Variants in GPHN observed in about 807,000 individuals in gnomAD.
The protein encoded by GPHN is gephyrin.
In GPHN, 17 loss-of-function variants were observed where a neutral mutation model predicts 95.5. The observed-to-expected ratio is 0.18, with a 90% confidence interval of 0.12 to 0.27. GPHN has a LOEUF of 0.27. Among genes scored for constraint, GPHN ranks in the 10% least tolerant of loss-of-function variants. The pLI is 1.00. For synonymous variants in GPHN, 320 were observed against 322.5 expected (o/e 0.99, Z 0.08); for missense variants, 660 against 978.1 (o/e 0.67, Z 4.34).
At chr14:67,107,872 C>G (rs2153683841) in intron 13 of GPHN, among the ~76,000 whole-genome samples, 1 of 152,220 alleles carries the variant, frequency 6.6e-6, no homozygotes, top group African/African-American at 2.4e-5. Context: ...AGTTATTTGG[C>G]CTGTAGGTCA....
the GPHN span, among the ~76,000 whole-genome samples, chr14:67,502,803 G>A: frequency 1.3e-5 from 2 of 152,194 alleles, no homozygotes; most frequent in African/African-American, 4.8e-5. Flanking sequence ...GTGACCACAG[G>A]GCTTATTTCC....
In GPHN at chr14:67,023,689, C is replaced by T; in HGVS notation, c.1006+14C>T. On this transcript the variant is annotated intron_variant, in intron 10 of 22. Transcript: ENST00000478722. The stretch of plus-strand genomic sequence containing the variant: ...TTCTCAGAGCCAGTAAGTATTTTAC[C>T]ATTTCTGGTGGGCTGCTGAACTAGA... 1.2e-6 allele frequency: 2 copies of T among 1,604,238 alleles called. No individual in the cohort carries two copies. Among genetic ancestry groups the T allele is most frequent in the East Asian group, 4.5e-5 (2 of 44,802 alleles).
At chr14:66,567,920 G>A (rs2060526042) in intron 1 of GPHN, among the ~76,000 whole-genome samples, 2 of 152,148 alleles carry the variant, frequency 1.3e-5, no homozygotes, top group African/African-American at 4.8e-5. Flanking sequence ...GCTCAAGTTA[G>A]TGTAGCTAAC....
At chr14:67,569,279 G>A in the GPHN span, 20 of 1,224,808 alleles carry the variant, frequency 1.6e-5, no homozygotes, top group African/African-American at 3.0e-5. Context: ...GGCAAGCGGG[G>A]AGGAGAAGAC....
chr14:67,547,848 A>C, the GPHN span, among the ~76,000 whole-genome samples: 1 of 152,230 alleles, frequency 6.6e-6, no homozygotes, highest in Non-Finnish European at 1.5e-5. Flanking sequence ...AGAAACATCA[A>C]GGCTCTTAGA....
At chr14:66,852,660 G>T (rs963020663) in intron 4 of GPHN, among the ~76,000 whole-genome samples, 1 of 152,164 alleles carries the variant, frequency 6.6e-6, no homozygotes, top group African/African-American at 2.4e-5. Context: ...TTTCAAAGAT[G>T]TATCGTTTTC....
intron 1 of GPHN, among the ~76,000 whole-genome samples, chr14:66,588,867 C>A (rs745655962): frequency 2.6e-4 from 40 of 152,194 alleles, no homozygotes; most frequent in Non-Finnish European, 4.3e-4. Context: ...CATTCAAATT[C>A]AGGGAATACA....
chr14:66,615,970 T>C (rs1018698210), intron 1 of GPHN, among the ~76,000 whole-genome samples: 9 of 152,092 alleles, frequency 5.9e-5, no homozygotes, highest in Non-Finnish European at 8.8e-5. Context: ...ATTTATTGAA[T>C]AGGGAATCCT....
rs373496775 is a variant in GPHN at position 67,165,174 on chromosome 14, A to G, written c.1923A>G (p.Thr641=). Residue 641 remains threonine (T), a synonymous_variant, in exon 20 of 23, where the codon ACA becomes ACG. Coordinates refer to ENST00000478722, the MANE Select transcript of GPHN (RefSeq NM_020806.5). The stretch of plus-strand genomic sequence containing the variant: ...TTTTTTCTTCTAGCTTGCCAACAAC[A>G]TTTGCAACTTTGGATATTGATGGTG... ...RVFMKPGLPT[T]FATLDIDGVR... 10 of 1,609,390 alleles carry G rather than the reference A, an allele frequency of 6.2e-6. No individual in the cohort carries two copies. In the African/African-American group the frequency reaches 1.3e-4, roughly 22 times the overall value.
chr14:66,800,550 A>G (rs1340598787), intron 3 of GPHN, among the ~76,000 whole-genome samples: 1 of 151,940 alleles, frequency 6.6e-6, no homozygotes, highest in African/African-American at 2.4e-5. Flanking sequence ...TGCCAAAAGT[A>G]TTGGAGCTAT....
chr14:67,213,983 A>C, the GPHN span, among the ~76,000 whole-genome samples: 2 of 152,132 alleles, frequency 1.3e-5, no homozygotes, highest in African/African-American at 4.8e-5. Context: ...GTATCTGTTC[A>C]TGTCCTTCGC....
the GPHN span, among the ~76,000 whole-genome samples, chr14:67,263,431 T>G: frequency 6.6e-6 from 1 of 152,232 alleles, no homozygotes; most frequent in Non-Finnish European, 1.5e-5. Flanking sequence ...AATATGCAAA[T>G]GTACTTCATA....
At chr14:66,519,891 T>G (rs1056100912) in intron 1 of GPHN, among the ~76,000 whole-genome samples, 2 of 152,108 alleles carry the variant, frequency 1.3e-5, no homozygotes, top group Non-Finnish European at 2.9e-5. Context: ...GCTGAAGAAA[T>G]TGTAGCAGAG....
the GPHN span, among the ~76,000 whole-genome samples, chr14:67,253,495 C>T: frequency 6.6e-6 from 1 of 152,276 alleles, no homozygotes; most frequent in Admixed American, 6.5e-5. Context: ...AAGAATTACT[C>T]TGGGGTGTTT....
intron 11 of GPHN, among the ~76,000 whole-genome samples, chr14:67,072,728 A>G (rs1219844216): frequency 6.6e-6 from 1 of 152,044 alleles, no homozygotes; most frequent in Non-Finnish European, 1.5e-5. Flanking sequence ...ATTTTCTAAA[A>G]TCTCGTTTTC....
the GPHN span, among the ~76,000 whole-genome samples, chr14:67,351,692 C>CT: frequency 4.0e-5 from 6 of 151,480 alleles, no homozygotes; most frequent in Admixed American, 1.3e-4. Context: ...TCTTCTTCTT[C>CT]TTCTTTTTTG....
chr14:67,662,559 A>T, the GPHN span: 1 of 1,587,482 alleles, frequency 6.3e-7, no homozygotes, highest in Admixed American at 1.7e-5. Flanking sequence ...ATAAGTTTCA[A>T]ATGCTTATTA....
At chr14:67,200,203 C>A in the GPHN span, 1 of 1,122,652 alleles carries the variant, frequency 8.9e-7, no homozygotes, top group Non-Finnish European at 1.3e-6. Context: ...ACTGATGCCC[C>A]CCATGGATAC....
At chr14:66,987,832 A>G (rs2071129240) in intron 9 of GPHN, among the ~76,000 whole-genome samples, 1 of 152,120 alleles carries the variant, frequency 6.6e-6, no homozygotes, top group Non-Finnish European at 1.5e-5. Flanking sequence ...TGCCAAAGGC[A>G]GTGAGAAATG....
Sources: allele counts gnomAD v4.1 joint callset (sites outside exome capture counted in the v4.1 genomes callset), GRCh38; gene constraint gnomAD v4.1.1; transcripts MANE v1.5; gene names NCBI Gene and HGNC (gene_info 2026-07-23, HGNC 2026-07-21).